CCDC57: variants seen among roughly 807,000 people sequenced by gnomAD.
CCDC57 encodes the protein coiled-coil domain-containing protein 57.
CCDC57 carries 118 observed loss-of-function variants against 118.9 expected under a neutral mutation model. The observed-to-expected ratio is 0.99, with a 90% confidence interval of 0.86 to 1.16. CCDC57 has a LOEUF of 1.16. Ranked by LOEUF, CCDC57 falls within the 50% of genes most tolerant of loss-of-function variation. The pLI, the probability that CCDC57 is intolerant of heterozygous loss-of-function variation, is 0.00. For missense variants in CCDC57, 1,300 were observed against 1,320.7 expected, an observed-to-expected ratio of 0.98 and a Z score of 0.24; for synonymous variants, 527 against 532.9, an observed-to-expected ratio of 0.99 and a Z score of 0.15.
At chr17:82,119,244 A>AT (rs1334044978) in intron 19 of CCDC57, among the ~76,000 whole-genome samples, 1 of 152,048 alleles carries the variant, frequency 6.6e-6, no homozygotes, top group South Asian at 2.1e-4. Flanking sequence ...AGGAAGTGTC[A>AT]TTTTTTTAAG....
chr17:82,101,670 G>A (rs370500944), exon 20 of CCDC57: 5 of 1,587,954 alleles, frequency 3.1e-6, no homozygotes, highest in East Asian at 2.3e-5. Context: ...GGGGCGGGGT[G>A]GGGGGAGGAA....
At chr17:82,127,617 C>T in intron 19 of CCDC57, 75 bp downstream of exon 18, 4 of 1,509,104 alleles carry the variant, frequency 2.7e-6, no homozygotes, top group East Asian at 4.9e-5. Context: ...TGCTGACTCT[C>T]CACATGCCCC....
intron 7 of CCDC57, among the ~76,000 whole-genome samples, chr17:82,189,079 G>C (rs78258629): frequency 0.016 from 2,374 of 152,148 alleles, 68 homozygotes; most frequent in African/African-American, 0.055. Flanking sequence ...CCACCAGCCT[G>C]GGCAATATGG....
chr17:82,202,025 A>G, intron 2 of CCDC57, 73 bp from the exon 2 acceptor site: 1 of 1,383,554 alleles, frequency 7.2e-7, no homozygotes. Flanking sequence ...TACCTACCTC[A>G]CATTCCCTAT....
At chr17:82,189,453 A>C (rs543675984) in intron 7 of CCDC57, among the ~76,000 whole-genome samples, 1 of 152,298 alleles carries the variant, frequency 6.6e-6, no homozygotes, top group Non-Finnish European at 1.5e-5. Flanking sequence ...GAGAGTGAAC[A>C]GCTCTGCTGA....
chr17:82,121,722 G>A (rs1027598724), intron 19 of CCDC57, among the ~76,000 whole-genome samples: 2 of 152,200 alleles, frequency 1.3e-5, no homozygotes, highest in African/African-American at 2.4e-5. Flanking sequence ...CTCAGTCAGC[G>A]CGTCCTGCCA....
intron 1 of CCDC57, among the ~76,000 whole-genome samples, chr17:82,211,571 G>A (rs1261210795): frequency 1.4e-5 from 2 of 144,804 alleles, no homozygotes; most frequent in Non-Finnish European, 3.0e-5. Flanking sequence ...TTTTGAGACC[G>A]AGTTTCGCTC....
At chr17:82,187,795 G>C (rs1302265993) in intron 8 of CCDC57, among the ~76,000 whole-genome samples, 1 of 132,452 alleles carries the variant, frequency 7.5e-6, no homozygotes, top group Admixed American at 7.6e-5. Context: ...TGGCGGGGCT[G>C]GGGGGAGCTG....
chr17:82,144,376 C>T (rs1420887080), intron 16 of CCDC57, among the ~76,000 whole-genome samples: 1 of 152,148 alleles, frequency 6.6e-6, no homozygotes, highest in Non-Finnish European at 1.5e-5. Flanking sequence ...AACCATCATT[C>T]TAGAAAGTCA....
intron 13 of CCDC57, among the ~76,000 whole-genome samples, chr17:82,163,746 A>G (rs1380598458): frequency 6.6e-6 from 1 of 152,248 alleles, no homozygotes; most frequent in Non-Finnish European, 1.5e-5. Context: ...TTTTGAATGG[A>G]AAGATAACAA....
chr17:82,170,399 T>C (rs1286475525), intron 13 of CCDC57, among the ~76,000 whole-genome samples: 3 of 150,528 alleles, frequency 2.0e-5, no homozygotes. Flanking sequence ...TCCCAGCTAC[T>C]CAGGAGGCTG....
At chr17:82,149,996 C>A (rs1263949551) in intron 16 of CCDC57, among the ~76,000 whole-genome samples, 3 of 149,362 alleles carry the variant, frequency 2.0e-5, no homozygotes, top group Non-Finnish European at 4.5e-5. Flanking sequence ...ACCAGGCGCA[C>A]ACCCAGAACC....
At chr17:82,116,102 CTTT>C (rs34960755) in intron 19 of CCDC57, among the ~76,000 whole-genome samples, 1 of 127,824 alleles carries the variant, frequency 7.8e-6, no homozygotes. Flanking sequence ...CGGCCACAAC[CTTT>C]TTTTTTTTTT....
Position 82,198,773 on chromosome 17 carries a change from A to G in CCDC57, c.408-351T>C, listed in dbSNP as rs577169065. The stretch of plus-strand genomic sequence containing the variant: ...TGGGAGGCCGAGGTGGGCGGATCAC[A>G]AGGTCAGGAGATCGAGAGCATCCTG... On this transcript the variant is annotated intron_variant, in intron 3 of 19. Coordinates refer to ENST00000665763, the Ensembl canonical transcript of CCDC57. Among the ~76,000 whole-genome samples, 6 of 151,606 alleles carry G rather than the reference A, an allele frequency of 4.0e-5. No homozygotes were observed. In the South Asian group the frequency reaches 8.4e-4, roughly 21 times the overall value.
chr17:82,198,569 C>T, intron 3 of CCDC57, 147 bp from the exon 3 acceptor site: 1 of 598,698 alleles, frequency 1.7e-6, no homozygotes, highest in East Asian at 2.9e-5. Context: ...AGCAGAACTT[C>T]CAGCCCCACC....
At chr17:82,101,483 C>A, downstream of CCDC57, 1 of 543,110 alleles carries the variant, frequency 1.8e-6, no homozygotes, top group Non-Finnish European at 3.2e-6. Flanking sequence ...CAGGGAGGAA[C>A]CTGGTTTTAA....
At chr17:82,105,295 G>A (rs2034768423) in intron 19 of CCDC57, among the ~76,000 whole-genome samples, 1 of 152,138 alleles carries the variant, frequency 6.6e-6, no homozygotes. Flanking sequence ...TGTGTCAAGG[G>A]CCCTTGTTCT....
chr17:82,145,492 A>G (rs987157015), intron 16 of CCDC57, among the ~76,000 whole-genome samples: 2 of 151,994 alleles, frequency 1.3e-5, no homozygotes, highest in African/African-American at 4.8e-5. Flanking sequence ...GGCTGCAGTG[A>G]GCCGAGATCG....
chr17:82,205,637 G>T (rs2146973259), intron 2 of CCDC57, among the ~76,000 whole-genome samples: 1 of 152,228 alleles, frequency 6.6e-6, no homozygotes, highest in East Asian at 1.9e-4. Flanking sequence ...GACTCAGCGG[G>T]TCACCCTGTT....
Sources: gnomAD v4.1 joint callset for allele counts (sites outside exome capture counted in the v4.1 genomes callset) on GRCh38, gnomAD v4.1.1 for gene constraint, MANE v1.5 for transcripts, NCBI Gene and HGNC (gene_info 2026-07-23, HGNC 2026-07-21) for gene names.